The following PKIG variants were observed in gnomAD, a reference collection of about 807,000 sequenced individuals.
PKIG encodes cAMP-dependent protein kinase inhibitor gamma.
A neutral mutation model predicts 6.8 loss-of-function variants in PKIG; 1 was observed. That is an observed-to-expected ratio of 0.15 (90% CI 0.05 to 0.69). PKIG has a LOEUF of 0.69. PKIG is among the 30% of genes least tolerant of loss of function. PKIG has a pLI of 0.82. For synonymous variants in PKIG, 39 were observed against 43.0 expected, an observed-to-expected ratio of 0.91 and a Z score of 0.36; for missense variants, 77 against 104.0, an observed-to-expected ratio of 0.74 and a Z score of 1.13.
intron 1 of PKIG, among the ~76,000 whole-genome samples, chr20:44,544,029 A>C (rs1212467278): frequency 1.3e-5 from 2 of 149,462 alleles, no homozygotes; most frequent in Admixed American, 1.4e-4. Context: ...ACACCACTGC[A>C]CTCCGACCTG....
intron 3 of PKIG, among the ~76,000 whole-genome samples, chr20:44,617,862 T>C (rs1238745543): frequency 4.6e-5 from 7 of 151,364 alleles, no homozygotes; most frequent in Admixed American, 4.6e-4. Flanking sequence ...CTGGCCAACA[T>C]GGTGAAACCC....
chr20:44,606,515 A>G (rs924251559), intron 2 of PKIG, among the ~76,000 whole-genome samples: 1 of 152,134 alleles, frequency 6.6e-6, no homozygotes, highest in African/African-American at 2.4e-5. Context: ...CACCTTTTAT[A>G]AAAGGGCTTG....
At chr20:44,548,854 C>CCACACACACACACA (rs11469110) in intron 1 of PKIG, among the ~76,000 whole-genome samples, 1 of 135,584 alleles carries the variant, frequency 7.4e-6, no homozygotes, top group African/African-American at 2.9e-5. Flanking sequence ...ACTCCTCCCA[C>CCACACACACACACA]CACACACACA....
At chr20:44,559,890 CAG>C (rs1351643376) in intron 1 of PKIG, among the ~76,000 whole-genome samples, 3 of 151,952 alleles carry the variant, frequency 2.0e-5, no homozygotes, top group Non-Finnish European at 4.4e-5. Flanking sequence ...TGTGCTGGAT[CAG>C]AGAGTATGTA....
intron 1 of PKIG, among the ~76,000 whole-genome samples, chr20:44,570,604 A>G (rs1568815826): frequency 6.6e-6 from 1 of 152,222 alleles, no homozygotes; most frequent in Non-Finnish European, 1.5e-5. Flanking sequence ...TGAAGATTAA[A>G]TGAGATGCTG....
At chr20:44,552,264 C>A (rs2064675802) in intron 1 of PKIG, among the ~76,000 whole-genome samples, 1 of 152,218 alleles carries the variant, frequency 6.6e-6, no homozygotes, top group Non-Finnish European at 1.5e-5. Flanking sequence ...TAAATCATCA[C>A]AGCACATTCT....
chr20:44,576,162 T>A lies in PKIG; in HGVS notation c.-240-6423T>A, dbSNP rs1179825832. 1.3e-3 allele frequency among the ~76,000 whole-genome samples: 147 copies of A among 114,618 alleles called. No homozygotes were observed. In the South Asian group the frequency reaches 0.031, roughly 24 times the overall value. 75.2% of individuals were successfully genotyped at this position (114,618 alleles called of 152,430 possible). A position where few individuals can be genotyped will look rare whatever the true frequency, so the allele number is the denominator to read the frequency against. On this transcript the variant is annotated intron_variant, in intron 1 of 4. Coordinates refer to the PKIG transcript ENST00000372887. The stretch of plus-strand genomic sequence containing the variant: ...ACCATAGACTGGACTAAGTAGAGTG[T>A]GTGTGTGTGTGTGTGTGTGTGTGTG...
chr20:44,616,161 G>T (rs2123485792), intron 3 of PKIG, among the ~76,000 whole-genome samples: 1 of 152,172 alleles, frequency 6.6e-6, no homozygotes, highest in South Asian at 2.1e-4. Flanking sequence ...GCCTGGCTGG[G>T]TTCTCTTCAT....
At chr20:44,583,757 T>C (rs2064966930) in intron 1 of PKIG, among the ~76,000 whole-genome samples, 1 of 152,322 alleles carries the variant, frequency 6.6e-6, no homozygotes, top group East Asian at 1.9e-4. Flanking sequence ...TATTTCCAAA[T>C]TCAGTATGAA....
chr20:44,611,912 G>A (rs913396464), intron 2 of PKIG, among the ~76,000 whole-genome samples: 1 of 151,718 alleles, frequency 6.6e-6, no homozygotes, highest in Non-Finnish European at 1.5e-5. Context: ...TTAACATTAT[G>A]TCCTCCAGGT....
At chr20:44,571,824 G>C (rs2064856476) in intron 1 of PKIG, among the ~76,000 whole-genome samples, 2 of 152,138 alleles carry the variant, frequency 1.3e-5, no homozygotes, top group Admixed American at 1.3e-4. Flanking sequence ...ATGCAATGGG[G>C]GCAATGGGCA....
intron 2 of PKIG, chr20:44,598,538 G>A (rs1160068369): frequency 6.6e-6 from 1 of 152,224 alleles, no homozygotes; most frequent in African/African-American, 2.4e-5. Flanking sequence ...CAGACCTGGA[G>A]TGTGACCCAG....
chr20:44,588,456 A>G (rs1166971442), intron 1 of PKIG, among the ~76,000 whole-genome samples: 1 of 151,978 alleles, frequency 6.6e-6, no homozygotes, highest in Admixed American at 6.6e-5. Context: ...AGCCTGGCCA[A>G]CATGGTGAAA....
chr20:44,551,015 A>T (rs571592671), intron 1 of PKIG, among the ~76,000 whole-genome samples: 1 of 152,180 alleles, frequency 6.6e-6, no homozygotes, highest in African/African-American at 2.4e-5. Context: ...ATTTGAAAAT[A>T]TATTATGGAC....
intron 1 of PKIG, among the ~76,000 whole-genome samples, chr20:44,544,738 C>T (rs1337472733): frequency 1.3e-5 from 2 of 152,120 alleles, no homozygotes; most frequent in East Asian, 3.9e-4. Context: ...ATTGCCATTC[C>T]CCAAAACAGG....
intron 2 of PKIG, among the ~76,000 whole-genome samples, chr20:44,596,949 A>C (rs2065080252): frequency 1.3e-5 from 2 of 152,052 alleles, no homozygotes; most frequent in South Asian, 4.2e-4. Flanking sequence ...CTCCTCTCCC[A>C]TTCACTGCTC....
At chr20:44,585,634 A>G (rs964275453) in intron 1 of PKIG, among the ~76,000 whole-genome samples, 4 of 152,212 alleles carry the variant, frequency 2.6e-5, no homozygotes, top group East Asian at 1.9e-4. Context: ...TGCCTTTTTC[A>G]TATCACCTCC....
At chr20:44,562,544 G>T (rs1275649818) in intron 1 of PKIG, among the ~76,000 whole-genome samples, 9 of 147,664 alleles carry the variant, frequency 6.1e-5, no homozygotes, top group Middle Eastern at 3.5e-3. Context: ...GGAGGCTGCA[G>T]TGAGCCTAGA....
intron 2 of PKIG, among the ~76,000 whole-genome samples, chr20:44,597,746 C>A (rs1204294044): frequency 1.3e-5 from 2 of 152,154 alleles, no homozygotes; most frequent in Non-Finnish European, 2.9e-5. Context: ...TTTGCCGAGG[C>A]TCAGCTACAC....
Sources: gnomAD v4.1 joint callset for allele counts (sites outside exome capture counted in the v4.1 genomes callset) on GRCh38, gnomAD v4.1.1 for gene constraint, MANE v1.5 for transcripts, NCBI Gene and HGNC (gene_info 2026-07-23, HGNC 2026-07-21) for gene names.